The following MYLK4 variants were observed in gnomAD, a reference collection of about 807,000 sequenced individuals.
MYLK4 encodes myosin light chain kinase family member 4.
In MYLK4, 46 loss-of-function variants were observed where a neutral mutation model predicts 48.1. The observed-to-expected ratio is 0.96, with a 90% CI of 0.75 to 1.22. The LOEUF (loss-of-function observed/expected upper bound fraction) is 1.22. MYLK4 is among the 50% of genes most tolerant of loss of function. MYLK4 has a pLI of 0.00. For missense variants in MYLK4, 451 were observed against 486.1 expected, an observed-to-expected ratio of 0.93 and a Z score of 0.68; for synonymous variants, 170 against 180.8, an observed-to-expected ratio of 0.94 and a Z score of 0.48.
Position 2,694,527 on chromosome 6 carries a change from G to GTGA in MYLK4, c.160-1669_160-1668insTCA, listed in dbSNP as rs1561846005. 9.0e-5 allele frequency among the ~76,000 whole-genome samples: 12 copies of GTGA among 133,460 alleles called. 1 individual carries two copies. Among genetic ancestry groups the GTGA allele is most frequent in the African/African-American group, 3.4e-4 (12 of 35,554 alleles). 87.6% of individuals were successfully genotyped at this position (133,460 alleles called of 152,430 possible). On this transcript the variant is annotated intron_variant, in intron 2 of 12. Transcript: ENST00000274643. Reference sequence around the variant, plus strand: ...GGTGGTGGTGGCGGTGGTGGTGGTGGTGGTAGTAGTGTTGGTTGTGGTGGT... The same window carrying GTGA: ...GGTGGTGGTGGCGGTGGTGGTGGTGGTGATGGTAGTAGTGTTGGTTGTGGTGGT...
the MYLK4 span, chr6:2,766,297 G>A: frequency 2.5e-6 from 4 of 1,606,560 alleles, no homozygotes; most frequent in South Asian, 1.1e-5. Context: ...TACAGGGCAA[G>A]CCGCTGGCCG....
At chr6:2,759,852 T>C in the MYLK4 span, among the ~76,000 whole-genome samples, 16 of 152,348 alleles carry the variant, frequency 1.1e-4, no homozygotes, top group Non-Finnish European at 1.6e-4. Flanking sequence ...AAGTAGACTT[T>C]TGTCAAATGT....
At chr6:2,678,992 G>A (rs1215464743) in intron 9 of MYLK4, among the ~76,000 whole-genome samples, 3 of 152,076 alleles carry the variant, frequency 2.0e-5, no homozygotes, top group East Asian at 1.9e-4. Context: ...TTGAGCCACC[G>A]CGCCAGGCCA....
chr6:2,701,901 T>G (rs6596894), intron 2 of MYLK4, among the ~76,000 whole-genome samples: 135,730 of 152,276 alleles, frequency 0.89, 60,569 homozygotes, highest in East Asian at 1. Context: ...GTGCGAAGAA[T>G]CATTTTACAA....
At chr6:2,742,245 G>A (rs1561881462) in intron 2 of MYLK4, among the ~76,000 whole-genome samples, 2 of 152,198 alleles carry the variant, frequency 1.3e-5, no homozygotes, top group South Asian at 2.1e-4. Context: ...GAAAGGCGCA[G>A]GCCATGCGGA....
At chr6:2,737,044 A>G (rs1763701612) in intron 2 of MYLK4, among the ~76,000 whole-genome samples, 1 of 152,178 alleles carries the variant, frequency 6.6e-6, no homozygotes, top group African/African-American at 2.4e-5. Context: ...TATGCACATC[A>G]AATAATACAC....
intron 7 of MYLK4, 55 bp downstream of exon 7, chr6:2,682,966 C>T: frequency 4.4e-6 from 7 of 1,604,118 alleles, no homozygotes; most frequent in Non-Finnish European, 5.1e-6. Context: ...AGACAGGGCC[C>T]ACTGTGCAAG....
At chr6:2,770,122 C>T in the MYLK4 span, 32 of 1,614,110 alleles carry the variant, frequency 2.0e-5, no homozygotes, top group Non-Finnish European at 2.5e-6. Context: ...ATGATTAGGA[C>T]ACTTTCCTTC....
intron 2 of MYLK4, among the ~76,000 whole-genome samples, chr6:2,704,211 T>G (rs920867754): frequency 1.3e-5 from 2 of 152,208 alleles, no homozygotes; most frequent in African/African-American, 4.8e-5. Flanking sequence ...TTACTGATCA[T>G]CTCAACCACC....
In MYLK4 at chr6:2,663,909, C is replaced by T. The variant is rs1222631555; in HGVS notation, c.*4016G>A. 6.6e-6 allele frequency: 1 copy of T among 152,300 alleles called. No homozygotes were observed. The highest frequency in any genetic ancestry group is 1.5e-5 in the Non-Finnish European group (1 of 68,034). The allele number at this position is 152,300 out of a possible 1,614,324, so 9.4% of individuals were successfully genotyped here. On this transcript the variant is annotated 3_prime_UTR_variant, in exon 13 of 13. Coordinates refer to ENST00000274643, the MANE Select transcript of MYLK4 (RefSeq NM_001012418.5). ...GCTCACACAGCAGATGCTTTCTGCT[C>T]TTCTGAATGGGTAGTAGTGGTTGAG...
Position 2,680,201 on chromosome 6 carries a change from C to T in MYLK4, c.758+20G>A. The T allele has an allele frequency of 6.2e-7, 1 of 1,613,006 alleles. No homozygotes were observed. Among genetic ancestry groups the T allele is most frequent in the Non-Finnish European group, 8.5e-7 (1 of 1,179,048 alleles). On this transcript the variant is annotated intron_variant, in intron 8 of 12. Transcript: ENST00000274643. ...ATGTCCCCCAGCTCCATTCGTACAC[C>T]TATGTCCAAATAGACATACCTTCTG...
chr6:2,684,087 C>T (rs951342976), intron 6 of MYLK4, among the ~76,000 whole-genome samples: 20 of 152,118 alleles, frequency 1.3e-4, no homozygotes, highest in Admixed American at 2.6e-4. Context: ...ACAATAACTA[C>T]GAGTAAAATA....
At chr6:2,739,484 G>C (rs533188670) in intron 2 of MYLK4, among the ~76,000 whole-genome samples, 39 of 152,238 alleles carry the variant, frequency 2.6e-4, no homozygotes, top group Admixed American at 9.2e-4. Context: ...TACAACCTGT[G>C]GGTCAGAGCA....
At position 2,665,915 on chromosome 6, in the gene MYLK4, G is replaced by T. The variant is rs915370561; in HGVS notation, c.*2010C>A. The T allele has an allele frequency of 3.1e-5, 4 of 128,756 alleles. No homozygotes were observed. Among genetic ancestry groups the T allele is most frequent in the African/African-American group, 1.1e-4 (4 of 35,212 alleles). The allele number at this position is 128,756 out of a possible 1,614,324, so 8.0% of individuals were successfully genotyped here. ...TAACACTCCAGTCACAGGGTTTTGT[G>T]TGTGTGTGTGTGTGTGGTGTGTGTG... is the stretch of plus-strand genomic sequence containing the variant. On this transcript the variant is annotated 3_prime_UTR_variant, in exon 13 of 13. Coordinates refer to ENST00000274643, the MANE Select transcript of MYLK4 (RefSeq NM_001012418.5).
Position 2,678,271 on chromosome 6 carries a change from A to G in MYLK4, c.989T>C (p.Ile330Thr), listed in dbSNP as rs758804991. The part of the protein sequence containing the change: ...WDLEDEEFQD[I>T]SEEAKEFISK... ...GATGAACTCCTTGGCCTCCTCCGAG[A>G]TGTCCTGAAATTCTTCATCCTCTAA... The change falls in exon 10 of 13, where the codon ATC becomes ACC. Residue 330 changes from isoleucine (I) to threonine (T), a missense_variant. By Grantham distance (89) the Ile-to-Thr change is moderately conservative. Transcript: ENST00000274643. The G allele has an allele frequency of 6.2e-7, 1 of 1,614,112 alleles. No individual in the cohort carries two copies. The highest frequency in any genetic ancestry group is 8.5e-7 in the Non-Finnish European group (1 of 1,180,002).
intron 2 of MYLK4, among the ~76,000 whole-genome samples, chr6:2,723,274 C>T (rs904122543): frequency 1.6e-4 from 25 of 152,226 alleles, no homozygotes; most frequent in African/African-American, 6.0e-4. Context: ...GCCTGGGTGA[C>T]GGAGTCAGAC....
In MYLK4 at chr6:2,678,214, C is replaced by T. The variant is rs56248312; in HGVS notation, c.1040+6G>A. On this transcript the variant is annotated splice_donor_region_variant and intron_variant, in intron 10 of 12. Transcript: ENST00000274643. ...GCGCCCGGAGCACAGGACGAACTTGCGTTACCTCTTCTCCTTAATCAGAAG... is the reference window on the plus strand; with the variant it reads ...GCGCCCGGAGCACAGGACGAACTTGTGTTACCTCTTCTCCTTAATCAGAAG... 22 of 1,613,386 alleles carry T rather than the reference C, an allele frequency of 1.4e-5. No homozygotes were observed. Among genetic ancestry groups the T allele is most frequent in the Admixed American group, 5.0e-5 (3 of 59,956 alleles).
chr6:2,689,113 T>C (rs1761676177), intron 3 of MYLK4, among the ~76,000 whole-genome samples, 157 bp from the exon 4 acceptor site: 1 of 152,164 alleles, frequency 6.6e-6, no homozygotes. Flanking sequence ...AGATTTCCAC[T>C]TGAGATTATG....
the MYLK4 span, chr6:2,765,665 C>T: frequency 8.4e-6 from 13 of 1,551,314 alleles, no homozygotes; most frequent in Admixed American, 8.9e-5. Context: ...CCTTTCGCAG[C>T]TGCACCAGGT....
Sources: gnomAD v4.1 joint callset for allele counts (sites outside exome capture counted in the v4.1 genomes callset) on GRCh38, gnomAD v4.1.1 for gene constraint, MANE v1.5 for transcripts, NCBI Gene and HGNC (gene_info 2026-07-23, HGNC 2026-07-21) for gene names.